The following WNT5B variants were observed in gnomAD, a reference collection of about 807,000 sequenced individuals.
The protein encoded by WNT5B is protein Wnt-5b.
A neutral mutation model predicts 36.5 loss-of-function variants in WNT5B; 18 were observed. The observed-to-expected ratio is 0.49, with a 90% CI of 0.34 to 0.73. The LOEUF is 0.73. Ranked by LOEUF, WNT5B falls within the 30% of genes least tolerant of loss-of-function variation. The pLI, the probability that WNT5B is intolerant of heterozygous loss-of-function variation, is 0.01. For missense variants in WNT5B, 424 were observed against 508.4 expected (o/e 0.83, Z 1.60); for synonymous variants, 213 against 212.3 (o/e 1.00, Z -0.03).
Position 1,639,898 on chromosome 12 carries a change from A to G in WNT5B, c.543A>G (p.Arg181=). 6.2e-7 allele frequency: 1 copy of G among 1,614,062 alleles called. No homozygotes were observed. Among genetic ancestry groups the G allele is most frequent in the Non-Finnish European group, 8.5e-7 (1 of 1,179,974 alleles). ...AGGAGTTTGTGGATGCCCGGGAGCG[A>G]GAGAAGAACTTTGCCAAAGGATCAG... ...FAKEFVDARE[R]EKNFAKGSEE... Residue 181 remains arginine, a synonymous_variant, in exon 4 of 5, where the codon CGA becomes CGG. Coordinates refer to ENST00000397196, the MANE Select transcript of WNT5B (RefSeq NM_032642.3).
intron 3 of WNT5B, 149 bp from the exon 4 acceptor site, chr12:1,639,535 C>G (rs1049048038): frequency 1.2e-6 from 1 of 822,462 alleles, no homozygotes; most frequent in East Asian, 3.2e-5. Context: ...GAGACGTTTC[C>G]AAGCGTTAGA....
rs144752047 is a variant in WNT5B at position 1,646,865 on chromosome 12, G to T, written c.*613G>T. On this transcript the variant is annotated 3_prime_UTR_variant, in exon 5 of 5. Transcript: ENST00000397196. ...GACCACAGAGAGATCTGCACCTCCC[G>T]GACTTCAGGCCTGCCTTTCCAGCGA... 1.3e-5 allele frequency: 2 copies of T among 152,218 alleles called. No individual in the cohort carries two copies. The highest frequency in any genetic ancestry group is 4.2e-4 in the South Asian group (2 of 4,796). The allele number at this position is 152,218 out of a possible 1,614,324, so 9.4% of individuals were successfully genotyped here.
At position 1,639,953 on chromosome 12, in the gene WNT5B, C is replaced by CA; in HGVS notation, c.602dup (p.Asn201LysfsTer11). The CA allele has an allele frequency of 1.2e-6, 2 of 1,613,474 alleles. No individual in the cohort carries two copies. The highest frequency in any genetic ancestry group is 1.7e-6 in the Non-Finnish European group (2 of 1,179,786). ...GCAGGGCCGGGTGCTCATGAACCTGCAAAACAACGAGGCCGGTCGCAGGGT... is the reference window on the plus strand; with the variant it reads ...GCAGGGCCGGGTGCTCATGAACCTGCAAAAACAACGAGGCCGGTCGCAGGGT... On this transcript the variant is annotated frameshift_variant, in exon 4 of 5. Transcript: ENST00000397196. LOFTEE classifies it high-confidence loss of function.
intron 4 of WNT5B, among the ~76,000 whole-genome samples, chr12:1,641,385 C>CAA (rs1371392049): frequency 0.099 from 9,937 of 100,702 alleles, 432 homozygotes; most frequent in South Asian, 0.16. Flanking sequence ...GACTCCATCT[C>CAA]AAAAAAAAAA....
At chr12:1,629,535 T>C (rs759171695) in intron 1 of WNT5B, among the ~76,000 whole-genome samples, 164 bp downstream of exon 1, 22 of 151,914 alleles carry the variant, frequency 1.4e-4, no homozygotes, top group Non-Finnish European at 2.4e-4. Context: ...GGCAGGAGGC[T>C]TCGGGGCCGC....
At position 1,638,044 on chromosome 12, in the gene WNT5B, C is replaced by T. The variant is rs527250973; in HGVS notation, c.329-1640C>T. ...CGGGCGGATCACGAGGTCAGGAGAT[C>T]GAGACCATCCTGGCTAACACGGTGA... On this transcript the variant is annotated intron_variant, in intron 3 of 4. Coordinates refer to ENST00000397196, the MANE Select transcript of WNT5B (RefSeq NM_032642.3). Among the ~76,000 whole-genome samples, 11 of 152,294 alleles carry T rather than the reference C, an allele frequency of 7.2e-5. 1 individual carries two copies. In the South Asian group the frequency reaches 1.7e-3, roughly 23 times the overall value.
chr12:1,624,674 G>A (rs575303222), upstream of WNT5B, among the ~76,000 whole-genome samples: 1 of 152,300 alleles, frequency 6.6e-6, no homozygotes, highest in Non-Finnish European at 1.5e-5. Flanking sequence ...ATTGTCACTG[G>A]TTATCAATCA....
chr12:1,636,059 C>T (rs140678118), intron 3 of WNT5B, among the ~76,000 whole-genome samples: 1 of 152,274 alleles, frequency 6.6e-6, no homozygotes, highest in East Asian at 1.9e-4. Context: ...CTCTGGGATT[C>T]TGCCTGGTTT....
chr12:1,640,602 G>A (rs2094573192), intron 4 of WNT5B, among the ~76,000 whole-genome samples: 1 of 152,218 alleles, frequency 6.6e-6, no homozygotes, highest in South Asian at 2.1e-4. Context: ...CTCAGTTTCA[G>A]CAGAAGCAAC....
chr12:1,644,500 A>G lies in WNT5B; in HGVS notation c.622-1294A>G, dbSNP rs1351688832. On this transcript the variant is annotated intron_variant, in intron 4 of 4. Coordinates refer to ENST00000397196, the MANE Select transcript of WNT5B (RefSeq NM_032642.3). This position sits in a 1 kb window ranked among gnomAD's most constrained non-coding sequence, Gnocchi z 5.1. The stretch of plus-strand genomic sequence containing the variant: ...CTCAGGAAGACTTTTGCCAACAGTC[A>G]TATGCACTGATGATGGCTGTGCTGT... 6.6e-6 allele frequency among the ~76,000 whole-genome samples: 1 copy of G among 152,242 alleles called. No individual in the cohort carries two copies. Among genetic ancestry groups the G allele is most frequent in the Non-Finnish European group, 1.5e-5 (1 of 68,042 alleles).
upstream of WNT5B, among the ~76,000 whole-genome samples, chr12:1,628,160 C>CT (rs59145675): frequency 2.9e-3 from 426 of 145,914 alleles, 5 homozygotes; most frequent in East Asian, 9.8e-3. Context: ...CTGACTCCCA[C>CT]TTTTTTTTTT....
At chr12:1,623,409 A>C (rs1384314207) in intron 1 of WNT5B, among the ~76,000 whole-genome samples, 1 of 151,364 alleles carries the variant, frequency 6.6e-6, no homozygotes, top group Admixed American at 6.6e-5. Flanking sequence ...GTTAGCCAGG[A>C]TGGTCTCCAT....
upstream of WNT5B, among the ~76,000 whole-genome samples, chr12:1,626,923 G>A (rs974442542): frequency 6.6e-6 from 1 of 152,138 alleles, no homozygotes; most frequent in African/African-American, 2.4e-5. Context: ...CCAAGTAAGA[G>A]TGCTTTTCTT....
At chr12:1,622,026 T>G (rs1432475515) in intron 1 of WNT5B, among the ~76,000 whole-genome samples, 2 of 152,124 alleles carry the variant, frequency 1.3e-5, no homozygotes, top group Non-Finnish European at 2.9e-5. Flanking sequence ...TTCCTCCTGT[T>G]AAAAGCCCTC....
chr12:1,642,736 T>C (rs2094577845), intron 4 of WNT5B, among the ~76,000 whole-genome samples: 1 of 152,200 alleles, frequency 6.6e-6, no homozygotes, highest in Non-Finnish European at 1.5e-5. Flanking sequence ...TTGTCCGGGC[T>C]GTTATCTGGC....
chr12:1,623,174 A>G (rs2094536161), intron 1 of WNT5B, among the ~76,000 whole-genome samples: 1 of 108,058 alleles, frequency 9.3e-6, no homozygotes, highest in Non-Finnish European at 2.0e-5. Context: ...AAACCTTTGA[A>G]GGGTTTTTTG....
chr12:1,627,216 C>A (rs12422373), upstream of WNT5B, among the ~76,000 whole-genome samples: 2 of 151,982 alleles, frequency 1.3e-5, no homozygotes, highest in South Asian at 2.1e-4. The surrounding 1 kb of genome is among the most constrained non-coding windows in gnomAD (Gnocchi z 5.0). Context: ...CAAAGGAGGC[C>A]TGCTCAGCAC....
rs191185270 is a variant in WNT5B at position 1,630,424 on chromosome 12, C to T, written c.-57-874C>T. Among the ~76,000 whole-genome samples the T allele has an allele frequency of 2.4e-3, 366 of 152,280 alleles. 2 individuals are homozygous for T. Among genetic ancestry groups the T allele is most frequent in the Non-Finnish European group, 2.8e-3 (190 of 68,020 alleles). ...AGGAACAGGCGTGGGTTACAGCAGGCAGGAGGCCAAGAGGCGGGAGGCCCG... is the reference window on the plus strand; with the variant it reads ...AGGAACAGGCGTGGGTTACAGCAGGTAGGAGGCCAAGAGGCGGGAGGCCCG... On this transcript the variant is annotated intron_variant, in intron 1 of 4. Coordinates refer to ENST00000397196, the MANE Select transcript of WNT5B (RefSeq NM_032642.3). This position sits in a 1 kb window ranked among gnomAD's most constrained non-coding sequence, Gnocchi z 5.3.
In WNT5B at chr12:1,630,640, G is replaced by A. The variant is rs7968955; in HGVS notation, c.-57-658G>A. Reference sequence around the variant, plus strand: ...TAGGGAGGCACCACCTCAGCCGCCAGAGCTTTCCGGGCGGGCGGTTCGCGG... The same window carrying A: ...TAGGGAGGCACCACCTCAGCCGCCAAAGCTTTCCGGGCGGGCGGTTCGCGG... On this transcript the variant is annotated intron_variant, in intron 1 of 4. Coordinates refer to ENST00000397196, the MANE Select transcript of WNT5B (RefSeq NM_032642.3). The surrounding 1 kb of genome is among the most constrained non-coding windows in gnomAD (Gnocchi z 5.3). Among the ~76,000 whole-genome samples the A allele has an allele frequency of 0.71, 108,746 of 152,132 alleles. 39,206 individuals carry two copies. Among genetic ancestry groups the A allele is most frequent in the Non-Finnish European group, 0.76 (51,820 of 67,970 alleles).
Sources: allele counts gnomAD v4.1 joint callset (sites outside exome capture counted in the v4.1 genomes callset), GRCh38; gene constraint gnomAD v4.1.1; non-coding constraint Gnocchi (gnomAD v3.1); transcripts MANE v1.5; gene names NCBI Gene and HGNC (gene_info 2026-07-23, HGNC 2026-07-21).